Variants in KYNU observed in about 807,000 individuals in gnomAD.
KYNU encodes kynureninase.
KYNU carries 54 observed loss-of-function variants against 59.2 expected under a neutral mutation model. The ratio of observed to expected loss-of-function variants is 0.91; its 90% confidence interval spans 0.73 to 1.14. The LOEUF (loss-of-function observed/expected upper bound fraction) is 1.14. KYNU is among the 50% of genes most tolerant of loss of function. The pLI, the probability that KYNU is intolerant of heterozygous loss-of-function variation, is 0.00. For missense variants in KYNU, 567 were observed against 554.4 expected, an observed-to-expected ratio of 1.02 and a Z score of -0.23; for synonymous variants, 177 against 192.0, an observed-to-expected ratio of 0.92 and a Z score of 0.65.
intron 10 of KYNU, among the ~76,000 whole-genome samples, chr2:143,026,639 G>A (rs1464144442): frequency 6.6e-6 from 1 of 152,232 alleles, no homozygotes. Context: ...AGAACCGGCA[G>A]GATTGAACTC....
chr2:142,914,524 T>C (rs1682609231), intron 2 of KYNU, among the ~76,000 whole-genome samples: 1 of 152,234 alleles, frequency 6.6e-6, no homozygotes, highest in Non-Finnish European at 1.5e-5. Context: ...GCTTCACAGA[T>C]ACTGCATTTT....
In KYNU at chr2:142,964,039, GT is replaced by G. The variant is rs953088309; in HGVS notation, c.729+3278del. Among the ~76,000 whole-genome samples the G allele has an allele frequency of 2.8e-3, 427 of 150,172 alleles. 1 individual carries two copies. Among genetic ancestry groups the G allele is most frequent in the African/African-American group, 9.8e-3 (403 of 41,014 alleles). On this transcript the variant is annotated intron_variant, in intron 8 of 13. Coordinates refer to ENST00000264170, the MANE Select transcript of KYNU (RefSeq NM_003937.3). ...ATTTTAGATGCTCATCTTTTATAAA[GT>G]TTTTTTTTGTGTTTGGCTTATTTGC... is the stretch of plus-strand genomic sequence containing the variant.
chr2:142,928,263 C>T (rs1006190642), intron 4 of KYNU, among the ~76,000 whole-genome samples: 1 of 152,060 alleles, frequency 6.6e-6, no homozygotes, highest in South Asian at 2.1e-4. Context: ...GTTATATATA[C>T]TATCGGTGGT....
At chr2:142,946,980 T>A in intron 4 of KYNU, 1 of 1,449,924 alleles carries the variant, frequency 6.9e-7, no homozygotes, top group South Asian at 1.3e-5. Flanking sequence ...GTATTTCAAA[T>A]AGCCAACTTG....
rs746559487 is a variant in KYNU, at chr2:142,885,564, T to G, written c.169+28T>G. ...AAGAATGCTGGGAAGGTTTTTAAAT[T>G]TTATTTATTTATTTATTTTTGCTAC... On this transcript the variant is annotated intron_variant, in intron 2 of 13. Coordinates refer to ENST00000264170, the MANE Select transcript of KYNU (RefSeq NM_003937.3). The G allele has an allele frequency of 3.3e-6, 5 of 1,520,360 alleles. 1 individual carries two copies. The highest frequency in any genetic ancestry group is 3.6e-6 in the Non-Finnish European group (4 of 1,111,560). The allele number at this position is 1,520,360 out of a possible 1,614,324, so 94.2% of individuals were successfully genotyped here.
Position 142,972,874 on chromosome 2 carries a change from A to G in KYNU, c.729+12104A>G, listed in dbSNP as rs1345087102. ...AGAGATGAGGTCTCTCTCTACATAT[A>G]TATGTATGAATTTGCCATACATAGC... On this transcript the variant is annotated intron_variant, in intron 8 of 13. Transcript: ENST00000264170. 2.7e-5 allele frequency among the ~76,000 whole-genome samples: 4 copies of G among 150,086 alleles called. No homozygotes were observed. In the South Asian group the frequency reaches 6.3e-4, roughly 23 times the overall value.
intron 10 of KYNU, among the ~76,000 whole-genome samples, chr2:143,020,924 C>T (rs886536666): frequency 1.3e-5 from 2 of 152,184 alleles, no homozygotes; most frequent in Non-Finnish European, 1.5e-5. Flanking sequence ...GGAGTTAGCC[C>T]TTACCCACAG....
intron 10 of KYNU, among the ~76,000 whole-genome samples, chr2:143,012,091 G>T (rs1034931932): frequency 5.3e-5 from 8 of 151,576 alleles, no homozygotes; most frequent in South Asian, 2.1e-4. Flanking sequence ...AAATACACTG[G>T]TTGTCCCCAA....
intron 10 of KYNU, among the ~76,000 whole-genome samples, chr2:143,028,595 C>T (rs1369971385): frequency 6.6e-6 from 1 of 150,700 alleles, no homozygotes; most frequent in East Asian, 2.0e-4. Flanking sequence ...CCTGTAATCC[C>T]AGCACTTTGG....
chr2:142,884,502 A>T (rs992054275), intron 1 of KYNU, among the ~76,000 whole-genome samples: 5 of 152,074 alleles, frequency 3.3e-5, no homozygotes, highest in Non-Finnish European at 5.9e-5. Flanking sequence ...TTATCTCCTC[A>T]TAAGATACCT....
chr2:142,922,999 C>T (rs898976743), intron 3 of KYNU, among the ~76,000 whole-genome samples: 2 of 152,182 alleles, frequency 1.3e-5, no homozygotes, highest in African/African-American at 4.8e-5. Context: ...GCTGTAACCT[C>T]ATGTGGCAGA....
chr2:142,902,058 G>A (rs1466272094), intron 2 of KYNU, among the ~76,000 whole-genome samples: 2 of 152,210 alleles, frequency 1.3e-5, no homozygotes, highest in Non-Finnish European at 2.9e-5. Flanking sequence ...ACGATTGTCT[G>A]ACAGCCACAA....
At chr2:142,899,143 C>G (rs1292412370) in intron 2 of KYNU, among the ~76,000 whole-genome samples, 3 of 152,120 alleles carry the variant, frequency 2.0e-5, no homozygotes, top group Admixed American at 2.0e-4. Flanking sequence ...CAAGCCGTAA[C>G]AAACACGGAC....
intron 8 of KYNU, among the ~76,000 whole-genome samples, chr2:142,979,867 T>C (rs1277886339): frequency 1.3e-5 from 2 of 152,032 alleles, no homozygotes; most frequent in East Asian, 3.9e-4. Context: ...GGTTCTTGGA[T>C]CTCTCACAAG....
rs1323172172 is a variant in KYNU, at chr2:143,046,045, A to C, written c.*3873A>C. Reference sequence around the variant, plus strand: ...GCTAATCACATTAAAATTATATCAAAGTATATAAACATATCATGGAAAACA... The same window carrying C: ...GCTAATCACATTAAAATTATATCAACGTATATAAACATATCATGGAAAACA... On this transcript the variant is annotated 3_prime_UTR_variant, in exon 14 of 14. Coordinates refer to ENST00000264170, the MANE Select transcript of KYNU (RefSeq NM_003937.3). The C allele has an allele frequency of 6.6e-6, 1 of 152,206 alleles. No individual in the cohort carries two copies. Among genetic ancestry groups the C allele is most frequent in the Non-Finnish European group, 1.5e-5 (1 of 68,034 alleles). 9.4% of individuals were successfully genotyped at this position (152,206 alleles called of 1,614,324 possible).
At chr2:142,884,816 C>G (rs1437180345) in intron 1 of KYNU, among the ~76,000 whole-genome samples, 1 of 149,442 alleles carries the variant, frequency 6.7e-6, no homozygotes, top group African/African-American at 2.5e-5. Context: ...AAGCGATTCT[C>G]CTGCCTCAGC....
chr2:142,898,377 T>C (rs1681955376), intron 2 of KYNU, among the ~76,000 whole-genome samples: 1 of 152,016 alleles, frequency 6.6e-6, no homozygotes, highest in African/African-American at 2.4e-5. Flanking sequence ...TCTTAGATCA[T>C]AGACCACAAC....
At chr2:143,003,920 T>C (rs976588182) in intron 10 of KYNU, among the ~76,000 whole-genome samples, 1 of 152,324 alleles carries the variant, frequency 6.6e-6, no homozygotes, top group Non-Finnish European at 1.5e-5. Context: ...ATATTGTGTT[T>C]TGGGCAGAGG....
chr2:142,947,240 T>C (rs1265474477), intron 4 of KYNU: 1 of 1,548,550 alleles, frequency 6.5e-7, no homozygotes, highest in South Asian at 1.2e-5. Flanking sequence ...AACTGAAACC[T>C]TGAGAGAGGA....
Sources: gnomAD v4.1 joint callset for allele counts (sites outside exome capture counted in the v4.1 genomes callset) on GRCh38, gnomAD v4.1.1 for gene constraint, MANE v1.5 for transcripts, NCBI Gene and HGNC (gene_info 2026-07-23, HGNC 2026-07-21) for gene names.